TMEM72: variants seen among roughly 807,000 people sequenced by gnomAD.
TMEM72 encodes the protein transmembrane protein 72.
TMEM72 carries 9 observed loss-of-function variants against 16.3 expected under a neutral mutation model. The ratio of observed to expected loss-of-function variants is 0.55; its 90% CI spans 0.33 to 0.96. The LOEUF is 0.96. TMEM72 is among the 40% of genes least tolerant of loss of function. TMEM72 has a pLI of 0.03. For missense variants in TMEM72, 324 were observed against 337.8 expected (o/e 0.96, Z 0.32); for synonymous variants, 160 against 146.5 (o/e 1.09, Z -0.66).
At chr10:44,921,319 G>T (rs1325995859) in intron 1 of TMEM72, among the ~76,000 whole-genome samples, 1 of 152,136 alleles carries the variant, frequency 6.6e-6, no homozygotes, top group Non-Finnish European at 1.5e-5. Context: ...TAGCTGGGGA[G>T]CCTGAGGTGG....
At chr10:44,923,935 G>A (rs1253711789) in intron 1 of TMEM72, among the ~76,000 whole-genome samples, 1 of 152,178 alleles carries the variant, frequency 6.6e-6, no homozygotes, top group Non-Finnish European at 1.5e-5. Flanking sequence ...CCAGAACTGT[G>A]CTTCAAGCCC....
chr10:44,933,807 C>G, intron 4 of TMEM72, 31 bp downstream of exon 4: 1 of 1,585,776 alleles, frequency 6.3e-7, no homozygotes, highest in East Asian at 2.3e-5. Flanking sequence ...ATATGCAGCC[C>G]CAGCACAGGT....
chr10:44,911,927 G>C (rs1249309851), intron 1 of TMEM72, among the ~76,000 whole-genome samples: 1 of 152,188 alleles, frequency 6.6e-6, no homozygotes, highest in Non-Finnish European at 1.5e-5. Flanking sequence ...AGAAGGTGAA[G>C]ATAGAAAGGG....
chr10:44,921,631 T>C (rs757707278), intron 1 of TMEM72, among the ~76,000 whole-genome samples: 3 of 152,170 alleles, frequency 2.0e-5, no homozygotes, highest in Non-Finnish European at 2.9e-5. Context: ...GGGTATCTGT[T>C]CCAGTGAGTT....
At chr10:44,916,501 A>C (rs1289248367) in intron 1 of TMEM72, among the ~76,000 whole-genome samples, 1 of 152,160 alleles carries the variant, frequency 6.6e-6, no homozygotes, top group African/African-American at 2.4e-5. Flanking sequence ...AGCCCTGTTC[A>C]AAGCCTTCAG....
Position 44,935,528 on chromosome 10 carries a change from C to A in TMEM72, c.*394C>A, listed in dbSNP as rs557891503. ...TACTCCCAACCCAGGGCACAACACT[C>A]AGTGAGGAACCTATGGTCCACCCAT... On this transcript the variant is annotated 3_prime_UTR_variant, in exon 5 of 5. Transcript: ENST00000389583. 10 of 174,408 alleles carry A rather than the reference C, an allele frequency of 5.7e-5. 1 individual carries two copies. In the South Asian group the frequency reaches 1.5e-3, roughly 27 times the overall value. The allele number at this position is 174,408 out of a possible 1,614,324, so 10.8% of individuals were successfully genotyped here.
intron 1 of TMEM72, among the ~76,000 whole-genome samples, chr10:44,913,612 C>T (rs570303024): frequency 4.5e-4 from 69 of 152,266 alleles, no homozygotes; most frequent in African/African-American, 1.6e-3. Flanking sequence ...CCATGAGCTC[C>T]CTTCTAATGG....
intron 1 of TMEM72, among the ~76,000 whole-genome samples, chr10:44,915,154 C>T (rs187123297): frequency 6.6e-6 from 1 of 152,328 alleles, no homozygotes; most frequent in Admixed American, 6.5e-5. Context: ...GGCACTTGAG[C>T]AAGGCCTCCC....
chr10:44,932,136 C>G, intron 3 of TMEM72, 67 bp downstream of exon 3: 15 of 1,535,302 alleles, frequency 9.8e-6, no homozygotes, highest in Non-Finnish European at 1.2e-5. Flanking sequence ...ATGTCTCCAC[C>G]CAAGAGCCCA....
At chr10:44,933,418 A>G (rs1840337201) in intron 3 of TMEM72, among the ~76,000 whole-genome samples, 1 of 152,256 alleles carries the variant, frequency 6.6e-6, no homozygotes, top group Admixed American at 6.5e-5. Context: ...CCAGAAAAAC[A>G]GGTCTGGGCA....
At chr10:44,920,172 G>C (rs972629746) in intron 1 of TMEM72, 1 of 152,262 alleles carries the variant, frequency 6.6e-6, no homozygotes, top group Non-Finnish European at 1.5e-5. Flanking sequence ...GCAACAGTGA[G>C]TACAAAATTC....
chr10:44,912,467 C>A (rs1343987192), intron 1 of TMEM72, among the ~76,000 whole-genome samples: 1 of 152,222 alleles, frequency 6.6e-6, no homozygotes, highest in Non-Finnish European at 1.5e-5. Flanking sequence ...TATCAAAGCC[C>A]TTCCCCACCA....
At chr10:44,924,075 G>A (rs1284155467) in intron 1 of TMEM72, among the ~76,000 whole-genome samples, 2 of 152,174 alleles carry the variant, frequency 1.3e-5, no homozygotes, top group Non-Finnish European at 2.9e-5. Context: ...ACGGGGTCAG[G>A]GAGCTTTCTG....
intron 1 of TMEM72, among the ~76,000 whole-genome samples, chr10:44,912,761 C>T (rs921554575): frequency 1.3e-5 from 2 of 152,226 alleles, no homozygotes; most frequent in African/African-American, 4.8e-5. Context: ...CAATGGGAAG[C>T]TGGGTCATTT....
chr10:44,920,600 T>C (rs1483936206), intron 1 of TMEM72, among the ~76,000 whole-genome samples: 1 of 152,186 alleles, frequency 6.6e-6, no homozygotes, highest in East Asian at 1.9e-4. Flanking sequence ...AACAGCTTTT[T>C]GGCCACAAAA....
At chr10:44,932,226 G>A (rs751188802) in intron 3 of TMEM72, among the ~76,000 whole-genome samples, 157 bp downstream of exon 3, 4 of 152,226 alleles carry the variant, frequency 2.6e-5, no homozygotes, top group Non-Finnish European at 4.4e-5. Flanking sequence ...GCCTGGAGGT[G>A]GGCACAGGCC....
At chr10:44,933,227 A>T (rs1395087980) in intron 3 of TMEM72, among the ~76,000 whole-genome samples, 1 of 152,176 alleles carries the variant, frequency 6.6e-6, no homozygotes. Flanking sequence ...CAGCCTGCTC[A>T]CTCACCTGGC....
intron 3 of TMEM72, among the ~76,000 whole-genome samples, chr10:44,933,020 T>G (rs922589992): frequency 6.6e-6 from 1 of 152,120 alleles, no homozygotes; most frequent in East Asian, 1.9e-4. Context: ...ATTCAGAGGA[T>G]GGAGGCGCTG....
intron 2 of TMEM72, among the ~76,000 whole-genome samples, chr10:44,928,818 C>T (rs886696991): frequency 5.3e-5 from 8 of 151,894 alleles, no homozygotes; most frequent in Non-Finnish European, 7.4e-5. Flanking sequence ...ATCCATCCAC[C>T]CACCTATCCA....
Sources: allele counts gnomAD v4.1 joint callset (sites outside exome capture counted in the v4.1 genomes callset), GRCh38; gene constraint gnomAD v4.1.1; transcripts MANE v1.5; gene names NCBI Gene and HGNC (gene_info 2026-07-23, HGNC 2026-07-21).